LRP1B: variants seen among roughly 807,000 people sequenced by gnomAD.
LRP1B encodes the protein low-density lipoprotein receptor-related protein 1B.
A neutral mutation model predicts 556.6 loss-of-function variants in LRP1B; 217 were observed. The observed-to-expected ratio is 0.39, with a 90% confidence interval of 0.35 to 0.44. The LOEUF is 0.44. Among genes scored for constraint, LRP1B ranks in the 20% least tolerant of loss-of-function variants. The pLI is 1.00. For synonymous variants in LRP1B, 2,047 were observed against 1,865.8 expected (o/e 1.10, Z -2.50); for missense variants, 5,053 against 5,620.8 (o/e 0.90, Z 3.23).
chr2:141,511,745 T>C lies in LRP1B; in HGVS notation c.206-31212A>G, dbSNP rs181916920. ...ATATTTTTGGTGAGTCCTATATGAA[T>C]ATTCTAGCAAATAAAAAAGGCTTTC... On this transcript the variant is annotated intron_variant, in intron 2 of 90. Transcript: ENST00000389484. Among the ~76,000 whole-genome samples, 11 of 152,286 alleles carry C rather than the reference T, an allele frequency of 7.2e-5. No homozygotes were observed. The East Asian group carries it at 2.1e-3, about 29-fold the overall frequency.
chr2:140,427,621 C>T, intron 66 of LRP1B, among the ~76,000 whole-genome samples: 1 of 152,168 alleles, frequency 6.6e-6, no homozygotes, highest in East Asian at 1.9e-4. Flanking sequence ...GGCAAACGGT[C>T]TGAGGTGCCT....
intron 11 of LRP1B, among the ~76,000 whole-genome samples, chr2:141,027,861 G>A (rs1187716355): frequency 1.3e-5 from 2 of 152,078 alleles, no homozygotes; most frequent in Non-Finnish European, 2.9e-5. Context: ...TCCTTCATGT[G>A]AGGATACAGT....
chr2:141,878,257 C>T (rs889015150), intron 1 of LRP1B, among the ~76,000 whole-genome samples: 1 of 151,772 alleles, frequency 6.6e-6, no homozygotes, highest in African/African-American at 2.4e-5. Context: ...GTTCAGAAGA[C>T]ACCAGAGAGC....
intron 1 of LRP1B, among the ~76,000 whole-genome samples, chr2:141,958,814 A>G (rs1701331984): frequency 6.6e-6 from 1 of 152,026 alleles, no homozygotes; most frequent in Admixed American, 6.6e-5. Flanking sequence ...AGACTGGTGT[A>G]AGGAAAACCC....
At chr2:140,471,192 C>A (rs1395840664) in intron 60 of LRP1B, among the ~76,000 whole-genome samples, 1 of 152,134 alleles carries the variant, frequency 6.6e-6, no homozygotes, top group Non-Finnish European at 1.5e-5. Flanking sequence ...TTCCATGTCT[C>A]AAGAGAGAGT....
At chr2:140,415,961 A>G (rs1198522731) in intron 66 of LRP1B, among the ~76,000 whole-genome samples, 1 of 152,200 alleles carries the variant, frequency 6.6e-6, no homozygotes, top group African/African-American at 2.4e-5. Flanking sequence ...TTCCTGTGCA[A>G]TACATTTGCA....
At chr2:142,061,383 C>T (rs1021805138) in intron 1 of LRP1B, among the ~76,000 whole-genome samples, 3 of 151,978 alleles carry the variant, frequency 2.0e-5, no homozygotes, top group Admixed American at 6.6e-5. Flanking sequence ...AAGTCTGTTC[C>T]GAAACACACT....
intron 2 of LRP1B, among the ~76,000 whole-genome samples, chr2:141,544,330 TCTTCTTCTTCTTCTTCTTCTTCTTCTTC>T (rs1685423850): frequency 2.3e-5 from 1 of 43,036 alleles, no homozygotes; most frequent in Non-Finnish European, 5.3e-5. Context: ...TTCTTCTTCT[TCTTCTTCTTCTTCTTCTTCTTCTTCTTC>T]TTCTTCTTCT....
intron 21 of LRP1B, among the ~76,000 whole-genome samples, chr2:140,914,496 A>G (rs1346619147): frequency 6.6e-6 from 1 of 152,098 alleles, no homozygotes; most frequent in Admixed American, 6.6e-5. Flanking sequence ...ATCGGGAAAA[A>G]ATGGGTTGGA....
intron 79 of LRP1B, among the ~76,000 whole-genome samples, chr2:140,330,213 A>C (rs13007614): frequency 4.8e-5 from 5 of 103,520 alleles, no homozygotes; most frequent in Admixed American, 1.7e-4. Flanking sequence ...AATAATAATA[A>C]TAATAATAAT....
intron 21 of LRP1B, among the ~76,000 whole-genome samples, chr2:140,919,060 A>G (rs1297353544): frequency 1.3e-5 from 2 of 151,890 alleles, no homozygotes; most frequent in African/African-American, 4.8e-5. Context: ...CTTATTGTAA[A>G]CTTATTTTTC....
At chr2:140,700,654 G>A (rs746860397) in intron 40 of LRP1B, 33 bp from the exon 41 acceptor site, 4 of 1,585,000 alleles carry the variant, frequency 2.5e-6, no homozygotes, top group Non-Finnish European at 2.6e-6. Flanking sequence ...ACATGCACAT[G>A]TTTATGTTTT....
At chr2:140,993,175 A>G (rs1697142082) in intron 16 of LRP1B, among the ~76,000 whole-genome samples, 1 of 152,036 alleles carries the variant, frequency 6.6e-6, no homozygotes, top group African/African-American at 2.4e-5. Context: ...AGACCTAAAA[A>G]AGGACATTTA....
chr2:141,662,870 T>C (rs1690275317), intron 2 of LRP1B, among the ~76,000 whole-genome samples: 1 of 152,056 alleles, frequency 6.6e-6, no homozygotes. Context: ...AACAACAGAA[T>C]ATACATTGTT....
intron 41 of LRP1B, among the ~76,000 whole-genome samples, chr2:140,613,701 T>C (rs1683163295): frequency 6.6e-6 from 1 of 151,904 alleles, no homozygotes; most frequent in Non-Finnish European, 1.5e-5. Context: ...ACTTAAGCAC[T>C]AACATAATTT....
chr2:141,204,509 T>C (rs1408248239), intron 6 of LRP1B, among the ~76,000 whole-genome samples: 2 of 152,278 alleles, frequency 1.3e-5, no homozygotes, highest in African/African-American at 4.8e-5. Flanking sequence ...ATTGGGGTGT[T>C]ATTTTCCTGA....
intron 1 of LRP1B, among the ~76,000 whole-genome samples, chr2:142,056,108 G>A (rs1417699606): frequency 4.6e-5 from 7 of 152,058 alleles, no homozygotes; most frequent in African/African-American, 1.2e-4. Context: ...CCGAGACTGC[G>A]CCACTGCACT....
rs183231319 is a variant in LRP1B at position 140,986,767 on chromosome 2, T to C, written c.2770+2765A>G. Among the ~76,000 whole-genome samples the C allele has an allele frequency of 2.5e-4, 38 of 152,320 alleles. 1 individual carries two copies. In the Middle Eastern group the frequency reaches 0.024, roughly 95 times the overall value. On this transcript the variant is annotated intron_variant, in intron 17 of 90. Coordinates refer to ENST00000389484, the MANE Select transcript of LRP1B (RefSeq NM_018557.3). ...ACTCTTAGCTTCTTGAGGAAAGGCA[T>C]TGTGTATTTTCTTTCATTCTATCAC...
intron 49 of LRP1B, among the ~76,000 whole-genome samples, chr2:140,522,210 T>G (rs1403544853): frequency 6.6e-6 from 1 of 151,836 alleles, no homozygotes; most frequent in Non-Finnish European, 1.5e-5. Flanking sequence ...ATAAATTTTT[T>G]AAAAATACCA....
Sources: gnomAD v4.1 joint callset for allele counts (sites outside exome capture counted in the v4.1 genomes callset) on GRCh38, gnomAD v4.1.1 for gene constraint, MANE v1.5 for transcripts, NCBI Gene and HGNC (gene_info 2026-07-23, HGNC 2026-07-21) for gene names.